The following STPG2 variants were observed in gnomAD, a reference collection of about 807,000 sequenced individuals.
STPG2 encodes sperm-tail PG-rich repeat-containing protein 2.
STPG2 carries 56 observed loss-of-function variants against 54.2 expected under a neutral mutation model. The observed-to-expected ratio is 1.03, with a 90% CI of 0.83 to 1.29. The LOEUF is 1.29. STPG2 is among the 50% of genes most tolerant of loss of function. The pLI, the probability that STPG2 is intolerant of heterozygous loss-of-function variation, is 0.00. For missense variants in STPG2, 596 were observed against 544.9 expected (o/e 1.09, Z -0.93); for synonymous variants, 200 against 181.8 (o/e 1.10, Z -0.81).
chr4:97,541,331 C>T (rs1390376597), intron 4 of STPG2, among the ~76,000 whole-genome samples: 1 of 152,044 alleles, frequency 6.6e-6, no homozygotes, highest in Non-Finnish European at 1.5e-5. Flanking sequence ...CAATAATAGA[C>T]AAACAGAGAG....
chr4:97,919,812 A>G (rs951707941), intron 8 of STPG2, among the ~76,000 whole-genome samples: 2 of 152,186 alleles, frequency 1.3e-5, no homozygotes, highest in Non-Finnish European at 2.9e-5. Context: ...TTTTTTAAGA[A>G]CCCAGAATAC....
chr4:97,958,315 A>T (rs957227352), intron 7 of STPG2, among the ~76,000 whole-genome samples: 1 of 151,906 alleles, frequency 6.6e-6, no homozygotes, highest in East Asian at 1.9e-4. Context: ...GTCTCAAAAA[A>T]AAAGAAAAGT....
At chr4:97,977,346 A>G (rs1343148581) in intron 6 of STPG2, among the ~76,000 whole-genome samples, 8 of 152,188 alleles carry the variant, frequency 5.3e-5, no homozygotes, top group Admixed American at 2.6e-4. Flanking sequence ...TTATAATCCT[A>G]TTAAATTTCT....
intron 8 of STPG2, among the ~76,000 whole-genome samples, chr4:97,858,493 G>A (rs1729401713): frequency 6.6e-6 from 1 of 152,058 alleles, no homozygotes; most frequent in African/African-American, 2.4e-5. Flanking sequence ...CTGAGATTTT[G>A]GTGTACCCGT....
intron 10 of STPG2, among the ~76,000 whole-genome samples, chr4:97,572,399 T>A (rs1732622711): frequency 6.6e-6 from 1 of 152,198 alleles, no homozygotes; most frequent in South Asian, 2.1e-4. Context: ...CTTTTTTACA[T>A]GCAGCAGCTA....
intron 9 of STPG2, among the ~76,000 whole-genome samples, chr4:97,740,020 C>T (rs956566075): frequency 2.0e-4 from 30 of 152,172 alleles, no homozygotes; most frequent in Admixed American, 5.2e-4. Context: ...CCACCATGAT[C>T]AAGTGGGCTT....
intron 5 of STPG2, among the ~76,000 whole-genome samples, chr4:98,090,589 GAAGA>G (rs766027839): frequency 2.2e-4 from 34 of 151,986 alleles, no homozygotes; most frequent in Non-Finnish European, 3.4e-4. Context: ...TTAATTCTGT[GAAGA>G]ATGATGATGG....
intron 8 of STPG2, among the ~76,000 whole-genome samples, chr4:97,851,653 T>C (rs542758361): frequency 1.2e-4 from 18 of 152,194 alleles, no homozygotes; most frequent in Non-Finnish European, 1.6e-4. Context: ...AGTAGAAATA[T>C]GTCCATTAAA....
intron 5 of STPG2, among the ~76,000 whole-genome samples, chr4:98,032,754 C>T (rs1008272890): frequency 1.5e-4 from 23 of 152,130 alleles, no homozygotes; most frequent in Non-Finnish European, 2.6e-4. Flanking sequence ...TCTCAGACCA[C>T]GGTGCAATCA....
intron 3 of STPG2, 62 bp from the exon 4 acceptor site, chr4:98,109,367 A>C: frequency 7.8e-7 from 1 of 1,279,346 alleles, no homozygotes. Context: ...TCATGAAACA[A>C]TGTTTGGCTT....
intron 5 of STPG2, among the ~76,000 whole-genome samples, chr4:98,019,135 A>G (rs1183183517): frequency 2.0e-5 from 3 of 152,010 alleles, no homozygotes; most frequent in Non-Finnish European, 2.9e-5. Flanking sequence ...TTTCTTCTAG[A>G]CTTTTTATGG....
chr4:97,904,810 G>A (rs943599617), intron 8 of STPG2, among the ~76,000 whole-genome samples: 2 of 152,224 alleles, frequency 1.3e-5, no homozygotes, highest in African/African-American at 4.8e-5. Flanking sequence ...CGTGAAGAAT[G>A]CAGAAGGCTC....
chr4:97,779,890 C>T (rs946127302), intron 9 of STPG2, among the ~76,000 whole-genome samples: 13 of 152,124 alleles, frequency 8.5e-5, no homozygotes, highest in Non-Finnish European at 1.2e-4. Context: ...CTGAGAGATT[C>T]TGTCACCACC....
intron 3 of STPG2, among the ~76,000 whole-genome samples, chr4:98,120,661 C>G (rs751182494): frequency 5.3e-5 from 8 of 152,118 alleles, no homozygotes; most frequent in Non-Finnish European, 1.0e-4. Flanking sequence ...CTCTAATGAT[C>G]AGTGATGAGC....
rs1165665623 is a variant in STPG2 at position 98,134,348 on chromosome 4, T to C, written c.221A>G (p.Gln74Arg). 2.0e-6 allele frequency: 3 copies of C among 1,525,698 alleles called. No homozygotes were observed. Among genetic ancestry groups the C allele is most frequent in the Admixed American group, 1.9e-5 (1 of 52,096 alleles). 94.5% of individuals were successfully genotyped at this position (1,525,698 alleles called of 1,614,324 possible). ...GPGHYNVSEAQKISRSPTLTR... is the reference protein window; with the variant it reads ...GPGHYNVSEARKISRSPTLTR... ...CAATTATAGTAACTATAAAGTTACCTGTGCTTCTGAAACATTATAGTGTCC... is the reference window on the plus strand; with the variant it reads ...CAATTATAGTAACTATAAAGTTACCCGTGCTTCTGAAACATTATAGTGTCC... Residue 74 changes from glutamine to arginine, a missense_variant and splice_region_variant, in exon 2 of 11, where the codon CAG (glutamine) becomes CGG (arginine). Physicochemically the swap from Gln to Arg is conservative, Grantham distance 43. Transcript: ENST00000295268.
chr4:97,586,492 G>GATAA (rs1733001472), intron 10 of STPG2, among the ~76,000 whole-genome samples: 1 of 151,784 alleles, frequency 6.6e-6, no homozygotes, highest in Non-Finnish European at 1.5e-5. Flanking sequence ...CTCCAAACAG[G>GATAA]ATAAACTCAA....
intron 10 of STPG2, among the ~76,000 whole-genome samples, chr4:97,706,450 C>A (rs1723944878): frequency 1.3e-5 from 2 of 152,238 alleles, no homozygotes; most frequent in African/African-American, 4.8e-5. Context: ...GAGGACACAG[C>A]AAGAAGACAG....
intron 10 of STPG2, among the ~76,000 whole-genome samples, chr4:97,642,267 A>T (rs992054126): frequency 6.6e-6 from 1 of 151,366 alleles, no homozygotes; most frequent in Non-Finnish European, 1.5e-5. Flanking sequence ...TAATTCATAC[A>T]TTTTATATGT....
chr4:97,910,379 T>G (rs932289598), intron 8 of STPG2, among the ~76,000 whole-genome samples: 1 of 152,202 alleles, frequency 6.6e-6, no homozygotes, highest in East Asian at 1.9e-4. Context: ...CTGCATATAC[T>G]CCCAAAAGAC....
Sources: gnomAD v4.1 joint callset for allele counts (sites outside exome capture counted in the v4.1 genomes callset) on GRCh38, gnomAD v4.1.1 for gene constraint, MANE v1.5 for transcripts, NCBI Gene and HGNC (gene_info 2026-07-23, HGNC 2026-07-21) for gene names.